The following CEP112 variants were observed in gnomAD, a reference collection of about 807,000 sequenced individuals.
The protein encoded by CEP112 is centrosomal protein of 112 kDa.
In CEP112, 127 loss-of-function variants were observed where a neutral mutation model predicts 153.0. That is an observed-to-expected ratio of 0.83 (90% CI 0.72 to 0.96). The LOEUF (loss-of-function observed/expected upper bound fraction) is 0.96. Among genes scored for constraint, CEP112 ranks in the 40% least tolerant of loss-of-function variants. The pLI is 0.00. For missense variants in CEP112, 1,089 were observed against 1,101.2 expected (o/e 0.99, Z 0.16); for synonymous variants, 358 against 374.4 (o/e 0.96, Z 0.51).
At chr17:66,044,426 A>T (rs1350877504) in intron 12 of CEP112, among the ~76,000 whole-genome samples, 2 of 152,174 alleles carry the variant, frequency 1.3e-5, no homozygotes, top group Non-Finnish European at 2.9e-5. Flanking sequence ...ACCCACGTAC[A>T]CGGCAGCATT....
intron 2 of CEP112, among the ~76,000 whole-genome samples, chr17:66,182,582 C>T (rs1425223426): frequency 2.0e-5 from 3 of 152,318 alleles, no homozygotes; most frequent in East Asian, 3.9e-4. Flanking sequence ...ACACCTACTA[C>T]GCCTTAGAGA....
intron 6 of CEP112, among the ~76,000 whole-genome samples, chr17:66,114,545 C>T (rs574854726): frequency 6.6e-6 from 1 of 152,188 alleles, no homozygotes; most frequent in South Asian, 2.1e-4. Flanking sequence ...GTCAGAAGTG[C>T]CAAAACTCTC....
At chr17:65,720,754 CATAA>C (rs1330058916) in intron 23 of CEP112, among the ~76,000 whole-genome samples, 3 of 152,124 alleles carry the variant, frequency 2.0e-5, no homozygotes, top group Non-Finnish European at 4.4e-5. Context: ...TTAACAGTTA[CATAA>C]ATATATGTAG....
At chr17:65,947,065 T>C (rs2061673258) in intron 18 of CEP112, among the ~76,000 whole-genome samples, 1 of 152,200 alleles carries the variant, frequency 6.6e-6, no homozygotes, top group African/African-American at 2.4e-5. Flanking sequence ...TGTATATTTA[T>C]TTATATTTAG....
At chr17:66,029,676 C>A (rs183297138) in intron 13 of CEP112, among the ~76,000 whole-genome samples, 193 bp downstream of exon 13, 10 of 152,216 alleles carry the variant, frequency 6.6e-5, no homozygotes, top group African/African-American at 1.9e-4. Context: ...GTACCCCAGT[C>A]TGGGTGACAG....
intron 18 of CEP112, among the ~76,000 whole-genome samples, chr17:65,944,869 C>T (rs180872512): frequency 2.5e-3 from 376 of 152,246 alleles, no homozygotes; most frequent in African/African-American, 8.6e-3. Flanking sequence ...TGAGTCACCA[C>T]GCCTGGCCAA....
At chr17:66,113,215 G>A (rs1325476602) in intron 6 of CEP112, among the ~76,000 whole-genome samples, 1 of 152,038 alleles carries the variant, frequency 6.6e-6, no homozygotes, top group Non-Finnish European at 1.5e-5. Context: ...GTATAAATAT[G>A]CATCGTCATA....
At chr17:65,758,764 C>T (rs1292355495) in intron 21 of CEP112, among the ~76,000 whole-genome samples, 1 of 152,112 alleles carries the variant, frequency 6.6e-6, no homozygotes, top group African/African-American at 2.4e-5. Flanking sequence ...AAGAATGCTT[C>T]CCAGATCCTA....
At chr17:65,887,752 G>A (rs1248221373) in intron 20 of CEP112, among the ~76,000 whole-genome samples, 4 of 152,208 alleles carry the variant, frequency 2.6e-5, no homozygotes, top group African/African-American at 9.7e-5. Flanking sequence ...TCTTGCAGCA[G>A]GCAGGAGCCC....
intron 21 of CEP112, among the ~76,000 whole-genome samples, chr17:65,780,337 C>A (rs1300776702): frequency 6.6e-6 from 1 of 152,036 alleles, no homozygotes; most frequent in African/African-American, 2.4e-5. Context: ...AATCATATTT[C>A]AAAGCTCACC....
chr17:66,002,082 C>T (rs1310212267), intron 17 of CEP112, among the ~76,000 whole-genome samples: 1 of 152,176 alleles, frequency 6.6e-6, no homozygotes, highest in East Asian at 1.9e-4. Flanking sequence ...GGCAAATTAG[C>T]TTTAAGGAGT....
At chr17:65,692,284 A>C (rs2048146778) in intron 23 of CEP112, among the ~76,000 whole-genome samples, 1 of 142,302 alleles carries the variant, frequency 7.0e-6, no homozygotes, top group Non-Finnish European at 1.5e-5. Flanking sequence ...GCTGGAGTGC[A>C]GTGGCACAAT....
intron 8 of CEP112, among the ~76,000 whole-genome samples, chr17:66,085,173 TTAAG>T (rs1440292779): frequency 2.6e-5 from 4 of 152,184 alleles, no homozygotes; most frequent in South Asian, 2.1e-4. Flanking sequence ...ATAACCCTTC[TTAAG>T]TTTTACTGAA....
chr17:65,827,850 T>G (rs1159891798), intron 21 of CEP112, among the ~76,000 whole-genome samples: 1 of 152,198 alleles, frequency 6.6e-6, no homozygotes, highest in Non-Finnish European at 1.5e-5. Context: ...CCTCCGAATA[T>G]CAACATGCCT....
At chr17:65,691,554 G>A (rs760058440) in intron 23 of CEP112, among the ~76,000 whole-genome samples, 22 of 152,178 alleles carry the variant, frequency 1.4e-4, no homozygotes, top group Non-Finnish European at 2.2e-4. Context: ...TTTGATATTA[G>A]ACTTGATCAT....
intron 17 of CEP112, among the ~76,000 whole-genome samples, chr17:65,998,369 T>A (rs1598055575): frequency 2.1e-5 from 2 of 94,520 alleles, no homozygotes; most frequent in Non-Finnish European, 3.8e-5. Context: ...GGTGACAGAG[T>A]AAGGCCTCGT....
At chr17:65,701,675 T>C (rs555631850) in intron 23 of CEP112, among the ~76,000 whole-genome samples, 1 of 152,264 alleles carries the variant, frequency 6.6e-6, no homozygotes, top group South Asian at 2.1e-4. Context: ...TATGTGTGTA[T>C]ATGGTGGCCT....
chr17:65,890,325 C>T (rs569253810), intron 20 of CEP112, among the ~76,000 whole-genome samples: 5 of 152,312 alleles, frequency 3.3e-5, no homozygotes, highest in African/African-American at 7.2e-5. Flanking sequence ...CAACATGGTA[C>T]GTGTTCTTCA....
At chr17:65,817,340 A>G (rs1257986067) in intron 21 of CEP112, among the ~76,000 whole-genome samples, 1 of 151,932 alleles carries the variant, frequency 6.6e-6, no homozygotes, top group Non-Finnish European at 1.5e-5. Context: ...GTCTAGTTAA[A>G]AACGTTTCAA....
Sources: gnomAD v4.1 joint callset for allele counts (sites outside exome capture counted in the v4.1 genomes callset) on GRCh38, gnomAD v4.1.1 for gene constraint, MANE v1.5 for transcripts, NCBI Gene and HGNC (gene_info 2026-07-23, HGNC 2026-07-21) for gene names.